MAN1B1: variants seen among roughly 807,000 people sequenced by gnomAD.
MAN1B1 encodes mannosidase alpha class 1B member 1.
In MAN1B1, 66 loss-of-function variants were observed where a neutral mutation model predicts 75.5. That is an observed-to-expected ratio of 0.87 (90% CI 0.72 to 1.07). The LOEUF is 1.07. Among genes scored for constraint, MAN1B1 ranks in the 50% least tolerant of loss-of-function variants. The pLI, the probability that MAN1B1 is intolerant of heterozygous loss-of-function variation, is 0.00. For synonymous variants in MAN1B1, 453 were observed against 382.8 expected (o/e 1.18, Z -2.14); for missense variants, 973 against 912.5 (o/e 1.07, Z -0.85).
chr9:137,102,202 C>T (rs200353403), intron 8 of MAN1B1: 16 of 131,962 alleles, frequency 1.2e-4, no homozygotes, highest in East Asian at 1.1e-3. Flanking sequence ...TGGTGTTACA[C>T]GTGCTGTTGC....
chr9:137,087,951 AAAG>A, intron 1 of MAN1B1, 121 bp from the exon 2 acceptor site: 1 of 863,158 alleles, frequency 1.2e-6, no homozygotes, highest in Non-Finnish European at 1.9e-6. Flanking sequence ...CCAAAAAAAA[AAAG>A]AAATAGAGCT....
At chr9:137,108,240 C>G in intron 12 of MAN1B1, 148 bp from the exon 13 acceptor site, 1 of 720,548 alleles carries the variant, frequency 1.4e-6, no homozygotes. Context: ...ACACGGCTCG[C>G]CTGGGGGTGG....
In MAN1B1 at chr9:137,108,920, G is replaced by T; in HGVS notation, c.*329G>T. 1 of 508,674 alleles carries T rather than the reference G, an allele frequency of 2.0e-6. No individual in the cohort carries two copies. Among genetic ancestry groups the T allele is most frequent in the East Asian group, 5.4e-5 (1 of 18,634 alleles). 31.5% of individuals were successfully genotyped at this position (508,674 alleles called of 1,614,324 possible). On this transcript the variant is annotated 3_prime_UTR_variant, in exon 13 of 13. Coordinates refer to ENST00000371589, the MANE Select transcript of MAN1B1 (RefSeq NM_016219.5). ...GCTTCGAGGTGGTCCCTGGTACTGG[G>T]GTGACCGAGTGGACAGCCCAGGGTG...
At chr9:137,095,965 G>T (rs761038376) in intron 3 of MAN1B1, among the ~76,000 whole-genome samples, 1 of 152,176 alleles carries the variant, frequency 6.6e-6, no homozygotes, top group Non-Finnish European at 1.5e-5. Context: ...TGTTATTAAC[G>T]CTTTAGGACC....
At chr9:137,108,331 GC>G in intron 12 of MAN1B1, 56 bp from the exon 13 acceptor site, 1 of 1,453,046 alleles carries the variant, frequency 6.9e-7, no homozygotes, top group Non-Finnish European at 9.7e-7. Flanking sequence ...CGGTGATGAG[GC>G]TGAGGGGGGT....
intron 4 of MAN1B1, among the ~76,000 whole-genome samples, chr9:137,096,823 C>T (rs867798935): frequency 1.3e-5 from 2 of 152,234 alleles, no homozygotes; most frequent in Non-Finnish European, 2.9e-5. Context: ...TAGTGGATCC[C>T]AGTGGAGCTT....
rs749451589 is a variant in MAN1B1, at chr9:137,107,600, G to A, written c.1834G>A (p.Gly612Arg). The A allele has an allele frequency of 6.2e-7, 1 of 1,611,782 alleles. No individual in the cohort carries two copies. Among genetic ancestry groups the A allele is most frequent in the Non-Finnish European group, 8.5e-7 (1 of 1,179,950 alleles). The change falls in exon 12 of 13, where the codon GGG becomes AGG. Residue 612 changes from glycine to arginine, a missense_variant. Physicochemically the swap from Gly to Arg is moderately radical, Grantham distance 125. Coordinates refer to ENST00000371589, the MANE Select transcript of MAN1B1 (RefSeq NM_016219.5). ...ESLFYLYRVT[G>R]DRKYQDWGWE... ...CCTGTTCTACCTGTACCGCGTCACA[G>A]GGGACCGCAAATACCAGGACTGGGG...
intron 7 of MAN1B1, 61 bp downstream of exon 7, chr9:137,101,214 T>C: frequency 1.3e-6 from 2 of 1,593,284 alleles, no homozygotes; most frequent in Non-Finnish European, 1.7e-6. Context: ...AGTTACCCCT[T>C]TAGTGGACTT....
Position 137,094,895 on chromosome 9 carries a change from C to CA in MAN1B1, c.466-1334dup, listed in dbSNP as rs1049703655. Among the ~76,000 whole-genome samples, 49 of 136,994 alleles carry CA rather than the reference C, an allele frequency of 3.6e-4. No individual in the cohort carries two copies. The East Asian group carries it at 9.0e-3, about 25-fold the overall frequency. The allele number at this position is 136,994 out of a possible 152,430, so 89.9% of individuals were successfully genotyped here. On this transcript the variant is annotated intron_variant, in intron 3 of 12. Transcript: ENST00000371589. ...AACTCTGTCTCAAAAAACAAACAAA[C>CA]AAAAAAAACAGGCTGGGCATGGTGG...
Position 137,107,557 on chromosome 9 carries a change from G to T in MAN1B1, c.1791G>T (p.Arg597=). 1.2e-6 allele frequency: 2 copies of T among 1,612,782 alleles called. No homozygotes were observed. The highest frequency in any genetic ancestry group is 1.7e-6 in the Non-Finnish European group (2 of 1,179,976). The change falls in exon 12 of 13, where the codon CGG becomes CGT. Residue 597 remains arginine (R), a synonymous_variant. Transcript: ENST00000371589. ...CAGCAGACAGGCACAACCTGCTGCG[G>T]CCAGAGACCGTGGAGAGCCTGTTCT... ...VKPADRHNLL[R]PETVESLFYL...
At chr9:137,096,214 C>G in intron 3 of MAN1B1, 23 bp from the exon 4 acceptor site, 1 of 1,614,088 alleles carries the variant, frequency 6.2e-7, no homozygotes, top group Non-Finnish European at 8.5e-7. Context: ...CCGTGATTTC[C>G]TGTGTGACCA....
chr9:137,101,147 G>T lies in MAN1B1; in HGVS notation c.1059G>T (p.Arg353Ser), dbSNP rs1830798079. Residue 353 changes from arginine to serine, a missense_variant, in exon 7 of 13, where the codon AGG becomes AGT. Arg to Ser is a moderately radical substitution (Grantham distance 110, BLOSUM62 -1). Coordinates refer to ENST00000371589, the MANE Select transcript of MAN1B1 (RefSeq NM_016219.5). ...TGTCTGGGGACAGCCTCTTCCTGAG[G>T]AAAGCTGTAAGTGTCTTGGGGTGTC... ...YHLSGDSLFL[R>S]KAEDFGNRLM... 6.2e-7 allele frequency: 1 copy of T among 1,613,930 alleles called. No homozygotes were observed. Among genetic ancestry groups the T allele is most frequent in the Middle Eastern group, 1.7e-4 (1 of 5,900 alleles).
chr9:137,106,624 C>G (rs1205296892), intron 9 of MAN1B1, 65 bp from the exon 10 acceptor site: 3 of 1,608,676 alleles, frequency 1.9e-6, no homozygotes, highest in African/African-American at 2.7e-5. Flanking sequence ...ATGTGCCTGT[C>G]CCTGGTGCCC....
In MAN1B1 at chr9:137,100,645, A is replaced by G. The variant is rs548184036; in HGVS notation, c.917-360A>G. The stretch of plus-strand genomic sequence containing the variant: ...TCAAACGTGGGTTTTTTGGAGACAG[A>G]GTCTAGTGGTGTGGCCCAGGCTGGA... On this transcript the variant is annotated intron_variant, in intron 6 of 12. Transcript: ENST00000371589. 1.8e-4 allele frequency among the ~76,000 whole-genome samples: 28 copies of G among 152,194 alleles called. No homozygotes were observed. In the South Asian group the frequency reaches 5.8e-3, roughly 32 times the overall value.
intron 8 of MAN1B1, 81 bp downstream of exon 8, chr9:137,101,753 G>T: frequency 6.9e-7 from 1 of 1,440,102 alleles, no homozygotes; most frequent in East Asian, 2.4e-5. Flanking sequence ...GTGTGTGTGT[G>T]TGTATGTGCA....
In MAN1B1 at chr9:137,101,095, T is replaced by TG. The variant is rs752359237; in HGVS notation, c.1014dup (p.Leu339AlafsTer18). The TG allele has an allele frequency of 9.9e-6, 16 of 1,613,836 alleles. No individual in the cohort carries two copies. Among genetic ancestry groups the TG allele is most frequent in the East Asian group, 2.2e-5 (1 of 44,892 alleles). On this transcript the variant is annotated frameshift_variant, in exon 7 of 13. Transcript: ENST00000371589. LOFTEE classifies it high-confidence loss of function. ...CTGTTTGAGAGCACGATCCGCATCC[T>TG]GGGGGGGCTCCTGAGTGCCTACCAC...
At chr9:137,107,757 C>G in intron 12 of MAN1B1, 95 bp downstream of exon 12, 1 of 1,588,880 alleles carries the variant, frequency 6.3e-7, no homozygotes, top group Non-Finnish European at 8.6e-7. Flanking sequence ...TTGGTGGTGG[C>G]TGTGACCTGG....
Position 137,097,838 on chromosome 9 carries a change from G to A in MAN1B1, c.631G>A (p.Ala211Thr), listed in dbSNP as rs771771092. ...CCTTCTCCCCCGAAGCTGGAGGGGA[G>A]CGGTGATCGAGCCTGAGCAGGGCAC... ...PQRTVISWRG[A>T]VIEPEQGTEL... is the part of the protein sequence containing the mutation. The change falls in exon 5 of 13, where the codon GCG becomes ACG. Residue 211 changes from alanine to threonine, a missense_variant. Transcript: ENST00000371589. 4.1e-5 allele frequency: 64 copies of A among 1,554,208 alleles called. No individual in the cohort carries two copies. The highest frequency in any genetic ancestry group is 5.0e-5 in the Non-Finnish European group (58 of 1,149,094).
Position 137,099,847 on chromosome 9 carries a change from G to A in MAN1B1, c.882G>A (p.Ala294=), listed in dbSNP as rs750236367. Residue 294 remains alanine, a synonymous_variant, in exon 6 of 13, where the codon GCG becomes GCA. Transcript: ENST00000371589. ...GCCTCGGTCTCACACTGATCGACGC[G>A]CTGGACACCATGTGGATCTTGGGTC... ...WFGLGLTLID[A]LDTMWILGLR... 41 of 1,614,080 alleles carry A rather than the reference G, an allele frequency of 2.5e-5. No individual in the cohort carries two copies. Among genetic ancestry groups the A allele is most frequent in the Middle Eastern group, 1.6e-4 (1 of 6,082 alleles).
Sources: allele counts gnomAD v4.1 joint callset (sites outside exome capture counted in the v4.1 genomes callset), GRCh38; gene constraint gnomAD v4.1.1; transcripts MANE v1.5; gene names NCBI Gene and HGNC (gene_info 2026-07-23, HGNC 2026-07-21).